The following UXS1 variants were observed in gnomAD, a reference collection of about 807,000 sequenced individuals.
UXS1 encodes UDP-glucuronate decarboxylase 1.
Under a neutral mutation model 62.6 loss-of-function variants are expected in UXS1, and 33 were observed. That is an observed-to-expected ratio of 0.53 (90% CI 0.40 to 0.70). The LOEUF is 0.70. Ranked by LOEUF, UXS1 falls within the 30% of genes least tolerant of loss-of-function variation. UXS1 has a pLI of 0.00. For synonymous variants in UXS1, 213 were observed against 206.8 expected (o/e 1.03, Z -0.26); for missense variants, 434 against 556.3 (o/e 0.78, Z 2.21).
At chr2:106,138,244 G>A (rs1444889540) in intron 6 of UXS1, 2 of 985,418 alleles carry the variant, frequency 2.0e-6, no homozygotes, top group African/African-American at 1.7e-5. Context: ...ACGTCAGTCT[G>A]TATGGGAAAC....
At chr2:106,096,156 G>A (rs1372275536) in intron 14 of UXS1, among the ~76,000 whole-genome samples, 3 of 152,116 alleles carry the variant, frequency 2.0e-5, no homozygotes, top group Non-Finnish European at 2.9e-5. Flanking sequence ...TGCTGCCAGC[G>A]CCCTTGGCAC....
chr2:106,186,455 T>TACAC (rs146886217), intron 1 of UXS1, among the ~76,000 whole-genome samples: 15,623 of 141,208 alleles, frequency 0.11, 1,375 homozygotes, highest in East Asian at 0.32. Flanking sequence ...TATATATATA[T>TACAC]ATACACACAC....
intron 11 of UXS1, chr2:106,102,422 G>C (rs1222861036): frequency 2.0e-5 from 3 of 152,206 alleles, no homozygotes; most frequent in Non-Finnish European, 4.4e-5. Context: ...CAGTGGGGCA[G>C]ACGGGAGAGC....
At chr2:106,101,012 CG>C in intron 12 of UXS1, 45 bp downstream of exon 12, 3 of 1,610,726 alleles carry the variant, frequency 1.9e-6, no homozygotes, top group Non-Finnish European at 2.5e-6. Context: ...CACAAATGAA[CG>C]AAAGTCTGAG....
chr2:106,157,919 G>C (rs780849193), intron 5 of UXS1, 139 bp downstream of exon 5: 2 of 722,212 alleles, frequency 2.8e-6, no homozygotes, highest in Non-Finnish European at 4.5e-6. Flanking sequence ...ATCAGAATGC[G>C]GTGCTAACTC....
At chr2:106,151,019 T>C (rs1418551009) in intron 5 of UXS1, among the ~76,000 whole-genome samples, 2 of 152,224 alleles carry the variant, frequency 1.3e-5, no homozygotes, top group African/African-American at 2.4e-5. Flanking sequence ...TACCCTGTTC[T>C]TTCCTATTTC....
At chr2:106,137,376 T>G (rs1209296277) in intron 6 of UXS1, among the ~76,000 whole-genome samples, 1 of 152,106 alleles carries the variant, frequency 6.6e-6, no homozygotes, top group Non-Finnish European at 1.5e-5. Context: ...ACTTCCAAGC[T>G]CCAGGGCTGC....
At chr2:106,171,151 A>T (rs913347041) in intron 1 of UXS1, among the ~76,000 whole-genome samples, 1 of 152,250 alleles carries the variant, frequency 6.6e-6, no homozygotes, top group Non-Finnish European at 1.5e-5. Context: ...GTTGGTATCC[A>T]GACTTCAAGC....
rs762207479 is a variant in UXS1, at chr2:106,112,643, T to C, written c.879+3A>G. 1 of 1,613,880 alleles carries C rather than the reference T, an allele frequency of 6.2e-7. No individual in the cohort carries two copies. Among genetic ancestry groups the C allele is most frequent in the Admixed American group, 1.7e-5 (1 of 60,026 alleles). On this transcript the variant is annotated splice_donor_region_variant and intron_variant, in intron 10 of 14. Coordinates refer to ENST00000283148, the MANE Select transcript of UXS1 (RefSeq NM_001253875.2). ...TGCTCCCTGAGCCGAGGCCAGCACC[T>C]ACCGTGAGTGGCTCCCCCTGGAGCG...
intron 10 of UXS1, among the ~76,000 whole-genome samples, 193 bp downstream of exon 10, chr2:106,112,453 T>G (rs930499789): frequency 6.6e-6 from 1 of 152,200 alleles, no homozygotes; most frequent in African/African-American, 2.4e-5. Context: ...GCAAGGTGAC[T>G]CTAGTTTCGT....
intron 1 of UXS1, among the ~76,000 whole-genome samples, chr2:106,170,012 C>T (rs1683447540): frequency 1.3e-5 from 2 of 152,176 alleles, no homozygotes; most frequent in Non-Finnish European, 2.9e-5. Flanking sequence ...CTTCCACTGC[C>T]CCTGGAGGCT....
chr2:106,192,601 T>C (rs1372155430), intron 1 of UXS1, among the ~76,000 whole-genome samples: 1 of 151,892 alleles, frequency 6.6e-6, no homozygotes, highest in Non-Finnish European at 1.5e-5. Context: ...TCCCCTACTT[T>C]ATTAATTCTA....
chr2:106,101,097 C>T lies in UXS1; in HGVS notation c.945G>A (p.Val315=). 4 of 1,613,816 alleles carry T rather than the reference C, an allele frequency of 2.5e-6. No homozygotes were observed. The highest frequency in any genetic ancestry group is 3.4e-6 in the Non-Finnish European group (4 of 1,179,870). ...TGCTGACGTTGCTGTTCATGAGAGCCACGAGGCCATTCACTAGATCGCTGG... is the reference window on the plus strand; with the variant it reads ...TGCTGACGTTGCTGTTCATGAGAGCTACGAGGCCATTCACTAGATCGCTGG... ...QYVSDLVNGL[V]ALMNSNVSSP... The change falls in exon 12 of 15, where the codon GTG becomes GTA. Residue 315 remains valine (V), a synonymous_variant. Transcript: ENST00000283148.
intron 11 of UXS1, among the ~76,000 whole-genome samples, chr2:106,103,150 A>T (rs4851919): frequency 6.6e-6 from 1 of 152,064 alleles, no homozygotes; most frequent in Non-Finnish European, 1.5e-5. Context: ...TTTTGTCCTG[A>T]GCTGGGACAG....
At chr2:106,166,258 G>C in intron 1 of UXS1, 175 bp from the exon 2 acceptor site, 1 of 657,080 alleles carries the variant, frequency 1.5e-6, no homozygotes, top group Non-Finnish European at 2.5e-6. Context: ...TACAAAATAA[G>C]TAAAAACAGG....
intron 4 of UXS1, chr2:106,160,366 C>G (rs542983757): frequency 6.6e-6 from 1 of 152,246 alleles, no homozygotes; most frequent in Non-Finnish European, 1.5e-5. Context: ...TCATAAGCAC[C>G]GTGGCTCCTC....
At chr2:106,106,997 T>C (rs1573410525) in intron 10 of UXS1, among the ~76,000 whole-genome samples, 1 of 152,226 alleles carries the variant, frequency 6.6e-6, no homozygotes, top group Non-Finnish European at 1.5e-5. Context: ...TTTTTTTTCT[T>C]TTTTCAAACT....
chr2:106,177,288 C>T (rs763507838), intron 1 of UXS1, among the ~76,000 whole-genome samples: 5 of 151,214 alleles, frequency 3.3e-5, no homozygotes, highest in Non-Finnish European at 5.9e-5. Context: ...CTTTGCCGCC[C>T]GGGTTCAAGC....
chr2:106,182,055 G>T (rs1322539141), intron 1 of UXS1, among the ~76,000 whole-genome samples: 1 of 152,188 alleles, frequency 6.6e-6, no homozygotes, highest in Non-Finnish European at 1.5e-5. Context: ...ACTTGATCTT[G>T]ATGTAGAATG....
Sources: allele counts gnomAD v4.1 joint callset (sites outside exome capture counted in the v4.1 genomes callset), GRCh38; gene constraint gnomAD v4.1.1; transcripts MANE v1.5; gene names NCBI Gene and HGNC (gene_info 2026-07-23, HGNC 2026-07-21).